The following USP36 variants were observed in gnomAD, a reference collection of about 807,000 sequenced individuals.
The protein encoded by USP36 is ubiquitin specific peptidase 36.
A neutral mutation model predicts 111.5 loss-of-function variants in USP36; 59 were observed. The ratio of observed to expected loss-of-function variants is 0.53; its 90% CI spans 0.43 to 0.66. USP36 has a LOEUF of 0.66. Ranked by LOEUF, USP36 falls within the 30% of genes least tolerant of loss-of-function variation. The pLI, the probability that USP36 is intolerant of heterozygous loss-of-function variation, is 0.00. For synonymous variants in USP36, 628 were observed against 581.0 expected, an observed-to-expected ratio of 1.08 and a Z score of -1.16; for missense variants, 1,488 against 1,468.0, an observed-to-expected ratio of 1.01 and a Z score of -0.22.
At position 78,828,567 on chromosome 17, in the gene USP36, A is replaced by C. The variant is rs566539580; in HGVS notation, c.586+330T>G. Among the ~76,000 whole-genome samples the C allele has an allele frequency of 2.0e-5, 3 of 152,298 alleles. No individual in the cohort carries two copies. In the East Asian group the frequency reaches 5.8e-4, roughly 29 times the overall value. ...CACTGACCCCAGCCCACATGTCTCT[A>C]AACTGCTATTCCTTGAGTCTGCACC... On this transcript the variant is annotated intron_variant, in intron 5 of 20. Transcript: ENST00000449938.
At chr17:78,801,209 C>T (rs2093734895) in intron 17 of USP36, among the ~76,000 whole-genome samples, 1 of 152,094 alleles carries the variant, frequency 6.6e-6, no homozygotes. Context: ...ATCTCCTAAC[C>T]TTGTGATCCG....
rs377321015 is a variant in USP36, at chr17:78,814,406, T to C, written c.1164+6A>G. ...GGAGGCAGCTGCACTGACACAAGCC[T>C]CTCACCTTCACGTAGCAGTAATAGT... On this transcript the variant is annotated splice_donor_region_variant and intron_variant, in intron 11 of 20. Transcript: ENST00000449938. 1.1e-5 allele frequency: 17 copies of C among 1,613,826 alleles called. No homozygotes were observed. Among genetic ancestry groups the C allele is most frequent in the Non-Finnish European group, 1.4e-5 (16 of 1,179,994 alleles).
In USP36 at chr17:78,802,265, C is replaced by T. The variant is rs2093769225; in HGVS notation, c.3022+59G>A. 13 of 1,502,370 alleles carry T rather than the reference C, an allele frequency of 8.7e-6. No individual in the cohort carries two copies. The East Asian group carries it at 3.2e-4, about 37-fold the overall frequency. 93.1% of individuals were successfully genotyped at this position (1,502,370 alleles called of 1,614,324 possible). A position where few individuals can be genotyped will look rare whatever the true frequency, so the allele number is the denominator to read the frequency against. ...TCGCCCGGTGCACACCCATGCGGTC[C>T]CCCAACCCCTCGCCCGGTGCACACC... is the stretch of plus-strand genomic sequence containing the variant. On this transcript the variant is annotated intron_variant, in intron 17 of 20. Transcript: ENST00000449938.
At chr17:78,813,578 A>T (rs1430470567) in intron 12 of USP36, among the ~76,000 whole-genome samples, 195 bp downstream of exon 12, 2 of 152,188 alleles carry the variant, frequency 1.3e-5, no homozygotes, top group Admixed American at 6.5e-5. Flanking sequence ...GGCAGATGGG[A>T]TCCTGTCCTG....
At chr17:78,808,421 TTAC>T (rs1354701920) in intron 13 of USP36, among the ~76,000 whole-genome samples, 7 of 152,112 alleles carry the variant, frequency 4.6e-5, no homozygotes, top group Admixed American at 4.6e-4. Flanking sequence ...CGAATAATTA[TTAC>T]TATTTTGTAG....
At chr17:78,815,317 C>T (rs995195221) in intron 10 of USP36, among the ~76,000 whole-genome samples, 3 of 152,072 alleles carry the variant, frequency 2.0e-5, no homozygotes, top group Non-Finnish European at 2.9e-5. Context: ...CGCAACAGAG[C>T]GAGACTCCAT....
chr17:78,829,411 G>A (rs993498054), intron 4 of USP36, among the ~76,000 whole-genome samples: 3 of 152,178 alleles, frequency 2.0e-5, no homozygotes, highest in Non-Finnish European at 4.4e-5. Flanking sequence ...TGGTAAATAG[G>A]CTAAAATATT....
chr17:78,792,022 G>C (rs2093588295), downstream of USP36: 1 of 152,240 alleles, frequency 6.6e-6, no homozygotes, highest in Non-Finnish European at 1.5e-5. Context: ...TGCAGCAAAT[G>C]CAACAGGCTC....
chr17:78,813,119 G>T, intron 12 of USP36, 118 bp from the exon 13 acceptor site: 1 of 1,289,790 alleles, frequency 7.8e-7, no homozygotes, highest in Non-Finnish European at 1.1e-6. Context: ...AACCCTGCCA[G>T]TCCTAACCAC....
At chr17:78,790,301 T>C (rs2093572569) in intron 3 of USP36, among the ~76,000 whole-genome samples, 1 of 151,896 alleles carries the variant, frequency 6.6e-6, no homozygotes. Context: ...TCTTTTTCTT[T>C]TTTTTTAAAG....
Position 78,812,865 on chromosome 17 carries a change from C to G in USP36, c.1402G>C (p.Gly468Arg), listed in dbSNP as rs914170832. Residue 468 changes from glycine to arginine, a missense_variant, in exon 13 of 21, where the codon GGA becomes CGA. Physicochemically the swap from Gly to Arg is moderately radical, Grantham distance 125. Around this residue, in one of 3 missense-constraint regions of USP36, gnomAD observed 1,073 missense variants for 994.1 expected, o/e 1.08. Coordinates refer to ENST00000449938, the MANE Select transcript of USP36 (RefSeq NM_001385174.1). ...TCCATCATTCTCACAAATACCTTTC[C>G]AGTCAGTGGGGAGGAAATAATCCCA... is the stretch of plus-strand genomic sequence containing the variant. Reference protein sequence around the residue: ...GNGIISSPLTGKRQDSGTMKK... With the variant: ...GNGIISSPLTRKRQDSGTMKK... The G allele has an allele frequency of 6.2e-7, 1 of 1,613,214 alleles. No individual in the cohort carries two copies. The highest frequency in any genetic ancestry group is 1.3e-5 in the African/African-American group (1 of 74,850).
At position 78,813,786 on chromosome 17, in the gene USP36, G is replaced by A. The variant is rs770456981; in HGVS notation, c.1252C>T (p.Leu418=). Residue 418 remains leucine, a synonymous_variant, in exon 12 of 21, where the codon CTG becomes TTG. Transcript: ENST00000449938. ...KVVLNQQAYV[L]FYLRIPGSKK... ...TGAGTTTATTACCGCAGATAGAACA[G>A]CACGTAGGCCTGCTGGTTCAGAACC... 5.1e-5 allele frequency: 82 copies of A among 1,613,954 alleles called. 2 individuals are homozygous for A. The South Asian group carries it at 8.9e-4, about 18-fold the overall frequency.
At chr17:78,799,188 T>A (rs577410141) in intron 18 of USP36, among the ~76,000 whole-genome samples, 165 bp from the exon 19 acceptor site, 14 of 152,318 alleles carry the variant, frequency 9.2e-5, no homozygotes, top group African/African-American at 2.9e-4. Flanking sequence ...TCGACGCCCA[T>A]GTGTGGTCGG....
chr17:78,823,697 CAA>C (rs1299441231), intron 6 of USP36, among the ~76,000 whole-genome samples: 1 of 152,040 alleles, frequency 6.6e-6, no homozygotes, highest in East Asian at 1.9e-4. Context: ...GGGGAGAAGG[CAA>C]AGAGGCAGGC....
intron 4 of USP36, among the ~76,000 whole-genome samples, chr17:78,831,054 G>A (rs974185619): frequency 4.6e-5 from 7 of 150,814 alleles, no homozygotes; most frequent in South Asian, 2.1e-4. Flanking sequence ...GTGAAACCCC[G>A]TCTCTACTAC....
At chr17:78,831,789 CA>C (rs1207718073) in intron 4 of USP36, among the ~76,000 whole-genome samples, 1 of 148,734 alleles carries the variant, frequency 6.7e-6, no homozygotes, top group African/African-American at 2.5e-5. Flanking sequence ...CCAAAGAATA[CA>C]AAAAAAAAAT....
chr17:78,837,185 G>T (rs997088358), intron 2 of USP36, among the ~76,000 whole-genome samples: 11 of 152,174 alleles, frequency 7.2e-5, no homozygotes, highest in African/African-American at 2.4e-4. Flanking sequence ...TTTGTGGCTT[G>T]TATTAATCTC....
chr17:78,810,428 C>A (rs1316952489), intron 13 of USP36, among the ~76,000 whole-genome samples: 3 of 152,318 alleles, frequency 2.0e-5, no homozygotes, highest in Middle Eastern at 6.8e-3. Flanking sequence ...GCTGGGAATA[C>A]AGGCACGTGC....
chr17:78,822,007 G>A lies in USP36; in HGVS notation c.690-3C>T, dbSNP rs1406599911. The A allele has an allele frequency of 1.2e-6, 2 of 1,614,122 alleles. No homozygotes were observed. Among genetic ancestry groups the A allele is most frequent in the East Asian group, 2.2e-5 (1 of 44,886 alleles). ...TAGCCTGCGTTTGACGATCCAACCTGAAAAGGAGACCCCAGCCTTTAAGGG... is the reference window on the plus strand; with the variant it reads ...TAGCCTGCGTTTGACGATCCAACCTAAAAAGGAGACCCCAGCCTTTAAGGG... On this transcript the variant is annotated splice_polypyrimidine_tract_variant and splice_region_variant and intron_variant, in intron 6 of 20. Transcript: ENST00000449938.
Sources: allele counts gnomAD v4.1 joint callset (sites outside exome capture counted in the v4.1 genomes callset), GRCh38; gene constraint gnomAD v4.1.1; regional missense constraint gnomAD v4.1.1; transcripts MANE v1.5; gene names NCBI Gene and HGNC (gene_info 2026-07-23, HGNC 2026-07-21).